DPYD: variants seen among roughly 807,000 people sequenced by gnomAD.
DPYD encodes dihydropyrimidine dehydrogenase.
A neutral mutation model predicts 116.2 loss-of-function variants in DPYD; 109 were observed. That is an observed-to-expected ratio of 0.94 (90% CI 0.80 to 1.10). DPYD has a LOEUF of 1.10. Among genes scored for constraint, DPYD ranks in the 50% least tolerant of loss-of-function variants. The probability of loss-of-function intolerance (pLI) is 0.00; values close to 1 mark genes in which losing one functional copy is unlikely to be tolerated. For synonymous variants in DPYD, 440 were observed against 432.0 expected (o/e 1.02, Z -0.23); for missense variants, 1,302 against 1,254.5 (o/e 1.04, Z -0.57).
At chr1:97,491,370 C>T (rs546161479) in intron 13 of DPYD, among the ~76,000 whole-genome samples, 15 of 151,654 alleles carry the variant, frequency 9.9e-5, no homozygotes, top group Non-Finnish European at 2.9e-5. Context: ...AGGGAAGCAC[C>T]TAATGGAATG....
At chr1:97,236,391 T>C (rs1661928050) in intron 18 of DPYD, among the ~76,000 whole-genome samples, 2 of 151,502 alleles carry the variant, frequency 1.3e-5, no homozygotes, top group Admixed American at 6.6e-5. Context: ...AACTTAAAAT[T>C]AAATTAAATT....
intron 14 of DPYD, among the ~76,000 whole-genome samples, chr1:97,426,551 C>T (rs1425103431): frequency 2.6e-5 from 4 of 152,026 alleles, no homozygotes; most frequent in African/African-American, 7.2e-5. Flanking sequence ...CAACCTCTCT[C>T]CAAATGGCAC....
Position 97,376,887 on chromosome 1 carries a change from GTA to G in DPYD, c.1975-3245_1975-3244del, listed in dbSNP as rs1553166538. Among the ~76,000 whole-genome samples, 101 of 128,198 alleles carry G rather than the reference GTA, an allele frequency of 7.9e-4. 1 individual carries two copies. The highest frequency in any genetic ancestry group is 8.8e-4 in the African/African-American group (31 of 35,062). The allele number at this position is 128,198 out of a possible 152,430, so 84.1% of individuals were successfully genotyped here. Reference sequence around the variant, plus strand: ...AGTTTGTGTGTGTGTGTGTGTGTGTGTATATATATATATATGGTGTGGACTCT... The same window carrying G: ...AGTTTGTGTGTGTGTGTGTGTGTGTGTATATATATATATGGTGTGGACTCT... On this transcript the variant is annotated intron_variant, in intron 15 of 22. Coordinates refer to ENST00000370192, the MANE Select transcript of DPYD (RefSeq NM_000110.4).
Position 97,663,828 on chromosome 1 carries a change from T to A in DPYD, c.850+15267A>T, listed in dbSNP as rs1659402725. Among the ~76,000 whole-genome samples the A allele has an allele frequency of 2.6e-5, 4 of 152,352 alleles. No homozygotes were observed. In the South Asian group the frequency reaches 8.3e-4, roughly 32 times the overall value. On this transcript the variant is annotated intron_variant, in intron 8 of 22. Coordinates refer to ENST00000370192, the MANE Select transcript of DPYD (RefSeq NM_000110.4). ...GAGCTGTTACATATGACATTCCCTG[T>A]ATCTGGGTGCACTCCTAATCCCTGC...
intron 16 of DPYD, among the ~76,000 whole-genome samples, chr1:97,370,716 G>A (rs908114434): frequency 6.6e-6 from 1 of 152,066 alleles, no homozygotes; most frequent in Non-Finnish European, 1.5e-5. Flanking sequence ...GAAAATTAAA[G>A]CTTAAAGGAG....
At chr1:97,085,325 A>G (rs992237351) in intron 21 of DPYD, among the ~76,000 whole-genome samples, 1 of 152,224 alleles carries the variant, frequency 6.6e-6, no homozygotes, top group African/African-American at 2.4e-5. Context: ...TATGCCTTAG[A>G]AATTTTACGT....
At chr1:97,292,722 GC>G (rs1666289063) in intron 18 of DPYD, among the ~76,000 whole-genome samples, 3 of 149,822 alleles carry the variant, frequency 2.0e-5, no homozygotes. Flanking sequence ...ACACGCGCGA[GC>G]ACACACACAC....
rs183488404 is a variant in DPYD, at chr1:97,149,088, T to A, written c.2622+43981A>T. Among the ~76,000 whole-genome samples, 16 of 152,302 alleles carry A rather than the reference T, an allele frequency of 1.1e-4. No homozygotes were observed. In the East Asian group the frequency reaches 3.1e-3, roughly 29 times the overall value. On this transcript the variant is annotated intron_variant, in intron 20 of 22. Coordinates refer to ENST00000370192, the MANE Select transcript of DPYD (RefSeq NM_000110.4). ...AACAGAAGATGACAAAAATTAGCAA[T>A]CTTTTGAAAACTAGTATTTACTAAA...
At chr1:97,550,552 T>A (rs1415385092) in intron 11 of DPYD, among the ~76,000 whole-genome samples, 1 of 151,974 alleles carries the variant, frequency 6.6e-6, no homozygotes, top group Non-Finnish European at 1.5e-5. Context: ...AGAGAAAGGG[T>A]TGAGTAAGAG....
chr1:97,848,910 A>C (rs1670440869), intron 2 of DPYD, among the ~76,000 whole-genome samples: 1 of 152,224 alleles, frequency 6.6e-6, no homozygotes, highest in South Asian at 2.1e-4. Flanking sequence ...CTGAGTTGTA[A>C]GTAATGACTG....
intron 18 of DPYD, among the ~76,000 whole-genome samples, chr1:97,251,883 G>A (rs1663124621): frequency 6.6e-6 from 1 of 152,126 alleles, no homozygotes; most frequent in East Asian, 1.9e-4. Flanking sequence ...AGTGCTAAGT[G>A]AGACCCCAGA....
chr1:97,193,843 C>A (rs1658560590), intron 19 of DPYD, among the ~76,000 whole-genome samples: 1 of 152,076 alleles, frequency 6.6e-6, no homozygotes, highest in South Asian at 2.1e-4. Context: ...TTCACAAGAC[C>A]TTCTCACTGG....
At chr1:97,692,309 A>C (rs1216807185) in intron 6 of DPYD, among the ~76,000 whole-genome samples, 17 of 152,108 alleles carry the variant, frequency 1.1e-4, no homozygotes, top group Non-Finnish European at 4.4e-5. Flanking sequence ...AATATTACAA[A>C]ATCAGTTCCA....
At chr1:97,894,835 T>C (rs1672972369) in intron 1 of DPYD, among the ~76,000 whole-genome samples, 1 of 151,704 alleles carries the variant, frequency 6.6e-6, no homozygotes, top group African/African-American at 2.4e-5. Context: ...TTATAAACTA[T>C]TTTCAATTTA....
rs561573903 is a variant in DPYD, at chr1:97,742,019, G to A, written c.234-1540C>T. Among the ~76,000 whole-genome samples the A allele has an allele frequency of 7.2e-5, 11 of 152,238 alleles. No individual in the cohort carries two copies. The South Asian group carries it at 1.7e-3, about 23-fold the overall frequency. ...CACCAGTGCCTGGAAAGAAAAGAACGTGACAAGGTAGGTGAACTAATGAAT... is the reference window on the plus strand; with the variant it reads ...CACCAGTGCCTGGAAAGAAAAGAACATGACAAGGTAGGTGAACTAATGAAT... On this transcript the variant is annotated intron_variant, in intron 3 of 22. Transcript: ENST00000370192.
chr1:97,374,960 C>G (rs1440554015), intron 15 of DPYD, among the ~76,000 whole-genome samples: 1 of 138,154 alleles, frequency 7.2e-6, no homozygotes, highest in East Asian at 2.2e-4. Flanking sequence ...ACCTGGGAGG[C>G]GGAGGTGGCA....
intron 16 of DPYD, among the ~76,000 whole-genome samples, chr1:97,359,687 A>C (rs1670616352): frequency 6.6e-6 from 1 of 152,074 alleles, no homozygotes; most frequent in African/African-American, 2.4e-5. Flanking sequence ...TTTCAACCCA[A>C]ATTTCATATC....
At chr1:97,773,202 A>G (rs2101169964) in intron 3 of DPYD, among the ~76,000 whole-genome samples, 1 of 152,294 alleles carries the variant, frequency 6.6e-6, no homozygotes, top group Non-Finnish European at 1.5e-5. Flanking sequence ...GGCTAATGCT[A>G]TTTATCAAAT....
intron 13 of DPYD, among the ~76,000 whole-genome samples, chr1:97,461,832 C>A (rs1306203140): frequency 6.6e-6 from 1 of 152,188 alleles, no homozygotes; most frequent in African/African-American, 2.4e-5. Flanking sequence ...TCACATTCAA[C>A]TGAATACAAA....
Sources: gnomAD v4.1 joint callset for allele counts (sites outside exome capture counted in the v4.1 genomes callset) on GRCh38, gnomAD v4.1.1 for gene constraint, MANE v1.5 for transcripts, NCBI Gene and HGNC (gene_info 2026-07-23, HGNC 2026-07-21) for gene names.